The following CENPQ variants were observed in gnomAD, a reference collection of about 807,000 sequenced individuals.
CENPQ encodes the protein chromosome 6 open reading frame 139.
CENPQ carries 27 observed loss-of-function variants against 36.6 expected under a neutral mutation model. The ratio of observed to expected loss-of-function variants is 0.74; its 90% CI spans 0.54 to 1.02. The LOEUF (loss-of-function observed/expected upper bound fraction) is 1.02, where lower values mean the gene tolerates loss of function less well. Ranked by LOEUF, CENPQ falls within the 50% of genes least tolerant of loss-of-function variation. CENPQ has a pLI of 0.00. For synonymous variants in CENPQ, 101 were observed against 101.7 expected (o/e 0.99, Z 0.04); for missense variants, 306 against 301.8 (o/e 1.01, Z -0.10).
intron 2 of CENPQ, among the ~76,000 whole-genome samples, 171 bp downstream of exon 2, chr6:49,470,449 C>CAA (rs143329397): frequency 6.8e-4 from 96 of 140,592 alleles, no homozygotes; most frequent in African/African-American, 2.4e-3. Context: ...TTAAAAAAAA[C>CAA]AAAAAAAAAA....
chr6:49,470,214 A>T lies in CENPQ; in HGVS notation c.38A>T (p.Gln13Leu), dbSNP rs1256375133. Reference protein sequence around the residue: ...GKANASKKNAQQLKRNPKRKK... With the variant: ...GKANASKKNALQLKRNPKRKK... Reference sequence around the variant, plus strand: ...GCAAATGCTTCCAAGAAAAACGCTCAACAGTTAAAAAGAAATCCAAAGAGA... The same window carrying T: ...GCAAATGCTTCCAAGAAAAACGCTCTACAGTTAAAAAGAAATCCAAAGAGA... The change falls in exon 2 of 9, where the codon CAA becomes CTA. Residue 13 changes from glutamine (Q) to leucine (L), a missense_variant. Physicochemically the swap from Gln to Leu is moderately radical, Grantham distance 113. Transcript: ENST00000335783. 3 of 1,611,646 alleles carry T rather than the reference A, an allele frequency of 1.9e-6. No individual in the cohort carries two copies. The South Asian group carries it at 3.3e-5, about 18-fold the overall frequency.
chr6:49,481,784 G>A (rs1768435672), intron 6 of CENPQ, among the ~76,000 whole-genome samples: 1 of 152,162 alleles, frequency 6.6e-6, no homozygotes, highest in Non-Finnish European at 1.5e-5. Context: ...CCACACTGGG[G>A]CTGCAGGTGG....
At chr6:49,484,329 C>T (rs1418832580) in intron 6 of CENPQ, among the ~76,000 whole-genome samples, 1 of 152,216 alleles carries the variant, frequency 6.6e-6, no homozygotes, top group Non-Finnish European at 1.5e-5. Context: ...CTTTGTCATT[C>T]TGACAGTAGC....
chr6:49,481,700 T>C (rs1002411576), intron 6 of CENPQ, among the ~76,000 whole-genome samples: 28 of 152,132 alleles, frequency 1.8e-4, no homozygotes. Flanking sequence ...GTATTTACAA[T>C]CCCTGAGCTA....
At chr6:49,470,064 ACATTTACAGGATAGTTTTTT>A in intron 1 of CENPQ, 75 bp from the exon 2 acceptor site, 1 of 569,078 alleles carries the variant, frequency 1.8e-6, no homozygotes, top group Non-Finnish European at 3.1e-6. Context: ...AGAATGTGGA[ACATTTACAGGATAGTTTTTT>A]AAACAAAACA....
At position 49,472,046 on chromosome 6, in the gene CENPQ, T is replaced by A. The variant is rs1258375480; in HGVS notation, c.158-17T>A. On this transcript the variant is annotated splice_polypyrimidine_tract_variant and intron_variant, in intron 3 of 8. Coordinates refer to ENST00000335783, the MANE Select transcript of CENPQ (RefSeq NM_018132.4). ...AACATCTAGATTGATCAGAGCCTCT[T>A]CTATTACTAACGACAGGACAAACAA... 7 of 1,602,618 alleles carry A rather than the reference T, an allele frequency of 4.4e-6. No homozygotes were observed. The highest frequency in any genetic ancestry group is 6.0e-6 in the Non-Finnish European group (7 of 1,176,130).
chr6:49,488,809 C>T (rs576486830), intron 8 of CENPQ, 125 bp downstream of exon 8: 103 of 738,570 alleles, frequency 1.4e-4, no homozygotes, highest in Admixed American at 2.6e-4. Context: ...TGGTTTCCCA[C>T]GGCATATGGA....
chr6:49,473,549 C>G (rs576849582), intron 5 of CENPQ, among the ~76,000 whole-genome samples: 1 of 152,296 alleles, frequency 6.6e-6, no homozygotes, highest in Non-Finnish European at 1.5e-5. Flanking sequence ...AAAACCGGTA[C>G]CAGCCACTGC....
In CENPQ at chr6:49,492,281, G is replaced by GT. The variant is rs144722464; in HGVS notation, c.*16dup. The GT allele has an allele frequency of 0.028, 31,242 of 1,118,490 alleles. 22 individuals are homozygous for GT. The highest frequency in any genetic ancestry group is 0.028 in the Non-Finnish European group (23,355 of 823,740). 69.3% of individuals were successfully genotyped at this position (1,118,490 alleles called of 1,614,324 possible). On this transcript the variant is annotated 3_prime_UTR_variant, in exon 9 of 9. Transcript: ENST00000335783. ...AGAAACTGGATGCATCTTAAAGAGT[G>GT]TTTTTTTTTTAGATTGTTCCATATT...
At chr6:49,464,330 C>T (rs1350005881) in intron 1 of CENPQ, among the ~76,000 whole-genome samples, 2 of 152,172 alleles carry the variant, frequency 1.3e-5, no homozygotes, top group African/African-American at 4.8e-5. Context: ...TACTAATCAT[C>T]TCAGCCTTCA....
At chr6:49,476,155 A>G (rs1188292519) in intron 5 of CENPQ, among the ~76,000 whole-genome samples, 2 of 152,128 alleles carry the variant, frequency 1.3e-5, no homozygotes, top group Non-Finnish European at 2.9e-5. Context: ...GAGGCATCAC[A>G]CTACCTGACT....
rs761120282 is a variant in CENPQ at position 49,492,223 on chromosome 6, A to G, written c.755A>G (p.Lys252Arg). Residue 252 changes from lysine to arginine, a missense_variant, in exon 9 of 9, where the codon AAG (lysine) becomes AGG (arginine). Lys to Arg is a conservative substitution (Grantham distance 26). Transcript: ENST00000335783. Reference sequence around the variant, plus strand: ...ATTCTTCATAATTCATCACAGATGAAGAGCATGTCAACCTTCATTGAAGAA... The same window carrying G: ...ATTCTTCATAATTCATCACAGATGAGGAGCATGTCAACCTTCATTGAAGAA... ...LDILHNSSQMKSMSTFIEEAY... is the reference protein window; with the variant it reads ...LDILHNSSQMRSMSTFIEEAY... 6.2e-7 allele frequency: 1 copy of G among 1,608,788 alleles called. No homozygotes were observed. Among genetic ancestry groups the G allele is most frequent in the Admixed American group, 1.7e-5 (1 of 59,554 alleles).
chr6:49,474,726 A>AT lies in CENPQ; in HGVS notation c.347+1874dup, dbSNP rs1375385430. On this transcript the variant is annotated intron_variant, in intron 5 of 8. Coordinates refer to ENST00000335783, the MANE Select transcript of CENPQ (RefSeq NM_018132.4). ...AAAAAATCAGTGAATCCAGGAGCTG[A>AT]TTTTTTGAAAAGATCAACAAAATTG... Among the ~76,000 whole-genome samples the AT allele has an allele frequency of 4.6e-5, 7 of 152,198 alleles. No individual in the cohort carries two copies. The East Asian group carries it at 1.2e-3, about 25-fold the overall frequency.
intron 6 of CENPQ, among the ~76,000 whole-genome samples, chr6:49,481,885 C>T (rs554072869): frequency 6.6e-6 from 1 of 152,256 alleles, no homozygotes; most frequent in Non-Finnish European, 1.5e-5. Context: ...GGGCAGCACT[C>T]ATCGGGGAGG....
At chr6:49,470,857 A>C (rs370755367) in intron 2 of CENPQ, 117 bp from the exon 3 acceptor site, 1 of 482,636 alleles carries the variant, frequency 2.1e-6, no homozygotes, top group East Asian at 3.5e-5. Context: ...CATTTTTTCT[A>C]TGTACTAGAA....
At chr6:49,473,905 A>C (rs1768208959) in intron 5 of CENPQ, among the ~76,000 whole-genome samples, 1 of 152,200 alleles carries the variant, frequency 6.6e-6, no homozygotes, top group Admixed American at 6.5e-5. Context: ...ACCAACAAAG[A>C]TCAAAAGAGA....
At chr6:49,478,852 T>C (rs1768364070) in intron 5 of CENPQ, among the ~76,000 whole-genome samples, 1 of 152,158 alleles carries the variant, frequency 6.6e-6, no homozygotes, top group African/African-American at 2.4e-5. Flanking sequence ...AGAAACAATG[T>C]TATAAGTGGT....
chr6:49,469,296 T>C (rs1431080416), intron 1 of CENPQ, among the ~76,000 whole-genome samples: 2 of 152,240 alleles, frequency 1.3e-5, no homozygotes, highest in African/African-American at 4.8e-5. Flanking sequence ...TCTGTATATC[T>C]AGCTATGGCT....
intron 1 of CENPQ, among the ~76,000 whole-genome samples, chr6:49,465,158 C>T (rs923353514): frequency 2.6e-5 from 4 of 152,204 alleles, no homozygotes; most frequent in African/African-American, 9.6e-5. Flanking sequence ...ACATCTCTAT[C>T]AGAGCTCTTG....
Sources: gnomAD v4.1 joint callset for allele counts (sites outside exome capture counted in the v4.1 genomes callset) on GRCh38, gnomAD v4.1.1 for gene constraint, MANE v1.5 for transcripts, NCBI Gene and HGNC (gene_info 2026-07-23, HGNC 2026-07-21) for gene names.